The following MYLK variants were observed in gnomAD, a reference collection of about 807,000 sequenced individuals.
MYLK encodes the protein myosin light chain kinase, smooth muscle.
MYLK carries 106 observed loss-of-function variants against 203.4 expected under a neutral mutation model. The ratio of observed to expected loss-of-function variants is 0.52; its 90% CI spans 0.45 to 0.61. MYLK has a LOEUF of 0.61. Ranked by LOEUF, MYLK falls within the 20% of genes least tolerant of loss-of-function variation. The pLI is 0.00. For missense variants in MYLK, 2,072 were observed against 2,442.3 expected (o/e 0.85, Z 3.20); for synonymous variants, 867 against 959.5 (o/e 0.90, Z 1.78).
intron 1 of MYLK, among the ~76,000 whole-genome samples, chr3:123,882,654 T>C (rs1433017115): frequency 2.0e-5 from 3 of 152,132 alleles, no homozygotes; most frequent in African/African-American, 7.2e-5. Context: ...AAAAAAGCTC[T>C]TGTGCATGTC....
intron 2 of MYLK, among the ~76,000 whole-genome samples, chr3:123,835,447 C>G (rs1040806117): frequency 1.3e-5 from 2 of 152,158 alleles, no homozygotes; most frequent in Non-Finnish European, 2.9e-5. Flanking sequence ...GACCTGAAGA[C>G]AGAAGACCCC....
At chr3:123,797,444 G>A (rs763840871) in intron 3 of MYLK, among the ~76,000 whole-genome samples, 53 of 152,108 alleles carry the variant, frequency 3.5e-4, no homozygotes, top group Non-Finnish European at 7.4e-4. Flanking sequence ...TGTGGCGACC[G>A]TAGAAACACA....
At chr3:123,683,465 G>A (rs2060341072) in intron 19 of MYLK, among the ~76,000 whole-genome samples, 1 of 152,086 alleles carries the variant, frequency 6.6e-6, no homozygotes, top group Admixed American at 6.5e-5. Flanking sequence ...ACTGGGGGCT[G>A]GGAACATACT....
At chr3:123,864,969 A>G (rs1050368354) in intron 2 of MYLK, among the ~76,000 whole-genome samples, 1 of 152,044 alleles carries the variant, frequency 6.6e-6, no homozygotes, top group Admixed American at 6.5e-5. Flanking sequence ...TAACCTCACA[A>G]TCACTCACAT....
At position 123,709,900 on chromosome 3, in the gene MYLK, G is replaced by A. The variant is rs2108652605; in HGVS notation, c.1805-7C>T. 1.9e-6 allele frequency: 3 copies of A among 1,613,904 alleles called. No homozygotes were observed. The highest frequency in any genetic ancestry group is 1.7e-4 in the Middle Eastern group (1 of 6,060). On this transcript the variant is annotated splice_polypyrimidine_tract_variant and splice_region_variant and intron_variant, in intron 13 of 33. Coordinates refer to ENST00000360304, the MANE Select transcript of MYLK (RefSeq NM_053025.4). ...TTCCTGCTACTCTTCTTTTCTGTGT[G>A]GTAGAAAACAGAACGTGGGGTGAAC...
intron 2 of MYLK, among the ~76,000 whole-genome samples, chr3:123,851,185 T>C (rs975539406): frequency 1.1e-4 from 16 of 152,212 alleles, no homozygotes; most frequent in African/African-American, 3.6e-4. Context: ...GCGTGATGCC[T>C]CCAGCTTTGT....
At chr3:123,656,074 C>T (rs1000460673) in intron 24 of MYLK, among the ~76,000 whole-genome samples, 2 of 152,200 alleles carry the variant, frequency 1.3e-5, no homozygotes, top group African/African-American at 2.4e-5. Flanking sequence ...TCCATCCCTC[C>T]CCTGGACTGT....
chr3:123,760,576 AT>A lies in MYLK; in HGVS notation c.166-8039del, dbSNP rs535924427. Among the ~76,000 whole-genome samples, 190 of 151,050 alleles carry A rather than the reference AT, an allele frequency of 1.3e-3. 2 individuals are homozygous for A. The highest frequency in any genetic ancestry group is 4.2e-3 in the African/African-American group (172 of 41,204). On this transcript the variant is annotated intron_variant, in intron 4 of 33. Transcript: ENST00000360304. Reference sequence around the variant, plus strand: ...TCTCTTCTTTTCTTCAAAGTCAACAATTTTTTTTTTATAATGAGGTACCCTA... The same window carrying A: ...TCTCTTCTTTTCTTCAAAGTCAACAATTTTTTTTTATAATGAGGTACCCTA...
At chr3:123,744,923 C>T (rs1031427664) in intron 5 of MYLK, among the ~76,000 whole-genome samples, 1 of 152,096 alleles carries the variant, frequency 6.6e-6, no homozygotes, top group Non-Finnish European at 1.5e-5. Context: ...TTTAAGTCTC[C>T]TCTGATCCAC....
At chr3:123,856,144 A>G (rs2031348608) in intron 2 of MYLK, among the ~76,000 whole-genome samples, 1 of 152,212 alleles carries the variant, frequency 6.6e-6, no homozygotes, top group Non-Finnish European at 1.5e-5. Context: ...ATAAAGGGAC[A>G]ACACCTAGTT....
At chr3:123,798,992 T>G (rs1267211925) in intron 3 of MYLK, among the ~76,000 whole-genome samples, 4 of 152,228 alleles carry the variant, frequency 2.6e-5, no homozygotes, top group Non-Finnish European at 2.9e-5. Context: ...GTTGGGTGAT[T>G]TCTACAATAA....
At position 123,682,218 on chromosome 3, in the gene MYLK, A is replaced by T; in HGVS notation, c.3652+6T>A. Reference sequence around the variant, plus strand: ...CTCTGCCTGGTGAAGCTGGGCGAGTACTCACTCTCAGTTCCTAGCACGGGA... The same window carrying T: ...CTCTGCCTGGTGAAGCTGGGCGAGTTCTCACTCTCAGTTCCTAGCACGGGA... On this transcript the variant is annotated splice_donor_region_variant and intron_variant, in intron 20 of 33. Transcript: ENST00000360304. 1 of 1,594,666 alleles carries T rather than the reference A, an allele frequency of 6.3e-7. No homozygotes were observed. Among genetic ancestry groups the T allele is most frequent in the Non-Finnish European group, 8.5e-7 (1 of 1,170,052 alleles).
chr3:123,745,101 G>C (rs939721890), intron 5 of MYLK, among the ~76,000 whole-genome samples: 4 of 152,044 alleles, frequency 2.6e-5, no homozygotes, highest in African/African-American at 9.7e-5. Flanking sequence ...CCCTCTAAAT[G>C]ATGACCATTT....
intron 4 of MYLK, among the ~76,000 whole-genome samples, chr3:123,754,108 C>A (rs970767612): frequency 2.0e-5 from 3 of 152,212 alleles, no homozygotes; most frequent in Admixed American, 2.0e-4. Context: ...AAGCGCCGGT[C>A]GTTGTCTTTG....
chr3:123,632,354 G>A (rs1335159207), intron 29 of MYLK, among the ~76,000 whole-genome samples: 1 of 152,134 alleles, frequency 6.6e-6, no homozygotes, highest in East Asian at 1.9e-4. Context: ...ACAGAGAGGG[G>A]GGAAGTCCGG....
chr3:123,727,695 G>A (rs1172658109), intron 11 of MYLK, among the ~76,000 whole-genome samples: 5 of 152,104 alleles, frequency 3.3e-5, no homozygotes, highest in Non-Finnish European at 7.4e-5. Flanking sequence ...GGAGCTGCAG[G>A]GGCTCTCAAG....
intron 27 of MYLK, among the ~76,000 whole-genome samples, chr3:123,644,923 C>G (rs2058962563): frequency 6.6e-6 from 1 of 152,178 alleles, no homozygotes; most frequent in South Asian, 2.1e-4. Context: ...TGTTCTAATC[C>G]AAGTACTTCT....
intron 20 of MYLK, among the ~76,000 whole-genome samples, chr3:123,670,837 T>C (rs377695502): frequency 1.2e-4 from 18 of 152,382 alleles, no homozygotes; most frequent in African/African-American, 2.2e-4. Flanking sequence ...AGCTATCACA[T>C]TGTGTTGACG....
At chr3:123,757,442 A>G (rs2063392639) in intron 4 of MYLK, among the ~76,000 whole-genome samples, 1 of 152,152 alleles carries the variant, frequency 6.6e-6, no homozygotes, top group South Asian at 2.1e-4. Flanking sequence ...ACACAGCTGC[A>G]GGGCACAGCT....
Sources: gnomAD v4.1 joint callset for allele counts (sites outside exome capture counted in the v4.1 genomes callset) on GRCh38, gnomAD v4.1.1 for gene constraint, MANE v1.5 for transcripts, NCBI Gene and HGNC (gene_info 2026-07-23, HGNC 2026-07-21) for gene names.